ATP13A5: variants seen among roughly 807,000 people sequenced by gnomAD.
The protein encoded by ATP13A5 is ATPase 13A5, also known as probable cation-transporting ATPase 13A5.
A neutral mutation model predicts 150.2 loss-of-function variants in ATP13A5; 149 were observed. That is an observed-to-expected ratio of 0.99 (90% CI 0.87 to 1.14). ATP13A5 has a LOEUF of 1.14. Among genes scored for constraint, ATP13A5 ranks in the 50% most tolerant of loss-of-function variants. The probability of loss-of-function intolerance (pLI) is 0.00; values close to 1 mark genes in which losing one functional copy is unlikely to be tolerated. For missense variants in ATP13A5, 1,383 were observed against 1,449.3 expected (o/e 0.95, Z 0.74); for synonymous variants, 497 against 522.2 (o/e 0.95, Z 0.66).
chr3:193,279,341 A>G lies in ATP13A5; in HGVS notation c.3315+25T>C, dbSNP rs775661316. 7 of 1,543,186 alleles carry G rather than the reference A, an allele frequency of 4.5e-6. No individual in the cohort carries two copies. The South Asian group carries it at 6.7e-5, about 15-fold the overall frequency. On this transcript the variant is annotated intron_variant, in intron 28 of 29. Coordinates refer to ENST00000342358, the MANE Select transcript of ATP13A5 (RefSeq NM_198505.4). ...ATGGTCCATGTACATGAGTCATGCC[A>G]GATGTGCAAATGAATGCCACTTACC...
intron 9 of ATP13A5, among the ~76,000 whole-genome samples, chr3:193,339,544 A>T (rs954551855): frequency 5.9e-5 from 9 of 152,166 alleles, no homozygotes; most frequent in African/African-American, 1.9e-4. Context: ...TTACATGCTA[A>T]GGTGTAAGAA....
intron 25 of ATP13A5, among the ~76,000 whole-genome samples, chr3:193,292,482 T>G (rs1365522707): frequency 6.6e-6 from 1 of 152,126 alleles, no homozygotes; most frequent in Non-Finnish European, 1.5e-5. Flanking sequence ...ATTTTGGGCT[T>G]CCCTGTGTGA....
At chr3:193,362,974 A>G (rs1450175174) in intron 3 of ATP13A5, among the ~76,000 whole-genome samples, 1 of 151,472 alleles carries the variant, frequency 6.6e-6, no homozygotes. Context: ...TTTTGTTTTT[A>G]TTTTTTTAAT....
intron 25 of ATP13A5, among the ~76,000 whole-genome samples, chr3:193,295,145 A>G (rs975306219): frequency 6.6e-6 from 1 of 152,136 alleles, no homozygotes. Flanking sequence ...TCAGACCAGC[A>G]GTCAAGATTC....
At chr3:193,373,114 C>G (rs946223855) in intron 1 of ATP13A5, among the ~76,000 whole-genome samples, 2 of 151,960 alleles carry the variant, frequency 1.3e-5, no homozygotes, top group Admixed American at 1.3e-4. Context: ...GTAAAATAAT[C>G]TACATGTTTA....
chr3:193,285,206 AT>A, intron 26 of ATP13A5, 90 bp from the exon 27 acceptor site: 2 of 1,079,246 alleles, frequency 1.9e-6, no homozygotes, highest in Non-Finnish European at 2.7e-6. Flanking sequence ...CTACCATGGG[AT>A]TTTAGCTTTC....
At chr3:193,299,038 T>A in intron 25 of ATP13A5, 93 bp downstream of exon 25, 1 of 957,328 alleles carries the variant, frequency 1.0e-6, no homozygotes, top group Non-Finnish European at 1.6e-6. Context: ...GAAATAAGGG[T>A]GCCTCTTTCT....
At chr3:193,366,647 G>A (rs1020091699) in intron 1 of ATP13A5, among the ~76,000 whole-genome samples, 13 of 151,952 alleles carry the variant, frequency 8.6e-5, no homozygotes, top group African/African-American at 3.1e-4. Flanking sequence ...CATCATTGGA[G>A]ATTTTAGCAC....
chr3:193,331,925 G>T (rs958931000), intron 11 of ATP13A5, among the ~76,000 whole-genome samples: 1 of 152,186 alleles, frequency 6.6e-6, no homozygotes, highest in African/African-American at 2.4e-5. Flanking sequence ...CTAGGTAAAT[G>T]ACAGAAATCT....
At position 193,289,979 on chromosome 3, in the gene ATP13A5, T is replaced by C. The variant is rs894987960; in HGVS notation, c.2929A>G (p.Ile977Val). 1.9e-6 allele frequency: 3 copies of C among 1,612,924 alleles called. No homozygotes were observed. Among genetic ancestry groups the C allele is most frequent in the East Asian group, 2.2e-5 (1 of 44,826 alleles). Residue 977 changes from isoleucine (I) to valine (V), a missense_variant, in exon 26 of 30, where the codon ATA (isoleucine) becomes GTA (valine). Around this residue, in one of 3 missense-constraint regions of ATP13A5, gnomAD observed 568 missense variants for 621.5 expected, o/e 0.91. Coordinates refer to ENST00000342358, the MANE Select transcript of ATP13A5 (RefSeq NM_198505.4). Reference protein sequence around the residue: ...QLLSPPLLLSIFLNSCFSCIV... With the variant: ...QLLSPPLLLSVFLNSCFSCIV... ...CAGGAGAAACAGGAATTCAAAAATA[T>C]TGAAAGCAGTAAAGGGGGAGAAAGG...
intron 27 of ATP13A5, among the ~76,000 whole-genome samples, chr3:193,283,513 GAAATGCAAACTA>G (rs1197707286): frequency 6.6e-6 from 1 of 152,148 alleles, no homozygotes; most frequent in African/African-American, 2.4e-5. Context: ...GGTGATCAAA[GAAATGCAAACTA>G]AAACCAAATA....
chr3:193,330,129 C>T (rs1490032465), intron 12 of ATP13A5, among the ~76,000 whole-genome samples: 1 of 152,162 alleles, frequency 6.6e-6, no homozygotes. Context: ...GTCAGCTGCT[C>T]AGCTCTGAGC....
At chr3:193,352,570 T>C (rs1051720520) in intron 6 of ATP13A5, among the ~76,000 whole-genome samples, 1 of 152,126 alleles carries the variant, frequency 6.6e-6, no homozygotes, top group Admixed American at 6.6e-5. Flanking sequence ...TTAGAACACA[T>C]TGACCCCTGG....
chr3:193,378,499 A>G (rs1263946719), intron 1 of ATP13A5, among the ~76,000 whole-genome samples, 164 bp downstream of exon 1: 1 of 152,214 alleles, frequency 6.6e-6, no homozygotes, highest in Non-Finnish European at 1.5e-5. Flanking sequence ...TCCCCACAAT[A>G]AAATGGTGCT....
intron 1 of ATP13A5, among the ~76,000 whole-genome samples, chr3:193,371,340 C>T (rs1185988583): frequency 6.6e-6 from 1 of 152,132 alleles, no homozygotes; most frequent in Non-Finnish European, 1.5e-5. Flanking sequence ...TTTTCGTTGC[C>T]TTACAGGGCT....
intron 24 of ATP13A5, 30 bp downstream of exon 24, chr3:193,301,181 G>A (rs374848963): frequency 6.6e-7 from 1 of 1,516,618 alleles, no homozygotes; most frequent in African/African-American, 1.4e-5. Flanking sequence ...AATGCAATTA[G>A]AACTGAGACA....
At chr3:193,353,510 T>G (rs1341089179) in intron 6 of ATP13A5, among the ~76,000 whole-genome samples, 1 of 152,146 alleles carries the variant, frequency 6.6e-6, no homozygotes, top group South Asian at 2.1e-4. Flanking sequence ...GGACTGAACA[T>G]TTGTGTCCCC....
At chr3:193,316,864 C>T (rs1052959927) in intron 17 of ATP13A5, among the ~76,000 whole-genome samples, 7 of 152,200 alleles carry the variant, frequency 4.6e-5, no homozygotes, top group East Asian at 3.9e-4. Flanking sequence ...TTATACCATA[C>T]GTAAAAATCA....
At chr3:193,305,711 A>G in intron 22 of ATP13A5, 43 bp from the exon 23 acceptor site, 1 of 1,542,168 alleles carries the variant, frequency 6.5e-7, no homozygotes, top group Non-Finnish European at 9.0e-7. Context: ...TTTTCAGGTT[A>G]GGCTTTACCT....
Sources: gnomAD v4.1 joint callset for allele counts (sites outside exome capture counted in the v4.1 genomes callset) on GRCh38, gnomAD v4.1.1 for gene constraint, gnomAD v4.1.1 regional missense constraint, MANE v1.5 for transcripts, NCBI Gene and HGNC (gene_info 2026-07-23, HGNC 2026-07-21) for gene names.